The following SUCLG2 variants were observed in gnomAD, a reference collection of about 807,000 sequenced individuals.
The protein encoded by SUCLG2 is succinate--CoA ligase [GDP-forming] subunit beta, mitochondrial.
SUCLG2 carries 42 observed loss-of-function variants against 47.9 expected under a neutral mutation model. The observed-to-expected ratio is 0.88, with a 90% CI of 0.69 to 1.14. SUCLG2 has a LOEUF of 1.14. SUCLG2 is among the 50% of genes most tolerant of loss of function. The probability of loss-of-function intolerance (pLI) is 0.00; values close to 1 mark genes in which losing one functional copy is unlikely to be tolerated. For missense variants in SUCLG2, 571 were observed against 525.9 expected (o/e 1.09, Z -0.84); for synonymous variants, 195 against 197.3 (o/e 0.99, Z 0.10).
chr3:67,494,488 T>A (rs943003733), intron 9 of SUCLG2, among the ~76,000 whole-genome samples: 1 of 152,070 alleles, frequency 6.6e-6, no homozygotes, highest in Non-Finnish European at 1.5e-5. Flanking sequence ...TGGCCAGGCA[T>A]GGTGGCATGC....
At chr3:67,654,145 G>C (rs1200768208) in intron 1 of SUCLG2, among the ~76,000 whole-genome samples, 1 of 152,238 alleles carries the variant, frequency 6.6e-6, no homozygotes, top group Admixed American at 6.5e-5. Flanking sequence ...AGAATTAGTA[G>C]AGCTGACAAT....
At chr3:67,405,529 G>A (rs1308892778) in intron 9 of SUCLG2, among the ~76,000 whole-genome samples, 1 of 152,124 alleles carries the variant, frequency 6.6e-6, no homozygotes. Context: ...GGGGATAATA[G>A]TAGTTAAGTC....
intron 2 of SUCLG2, among the ~76,000 whole-genome samples, chr3:67,549,235 C>T (rs931401567): frequency 1.3e-5 from 2 of 152,096 alleles, no homozygotes; most frequent in African/African-American, 4.8e-5. Context: ...CAGGATGATA[C>T]CTGGAGCTTA....
At chr3:67,578,768 T>C (rs192158966) in intron 2 of SUCLG2, among the ~76,000 whole-genome samples, 124 of 152,324 alleles carry the variant, frequency 8.1e-4, no homozygotes, top group African/African-American at 2.8e-3. Context: ...CTGCAGGCTT[T>C]TTCTGACTCC....
intron 1 of SUCLG2, among the ~76,000 whole-genome samples, chr3:67,628,472 T>C (rs1003624665): frequency 6.6e-6 from 1 of 152,212 alleles, no homozygotes; most frequent in Admixed American, 6.5e-5. Flanking sequence ...CAAACTTCCA[T>C]CGAAGAGAAG....
At chr3:67,473,057 T>A in intron 9 of SUCLG2, among the ~76,000 whole-genome samples, 1 of 152,212 alleles carries the variant, frequency 6.6e-6, no homozygotes. Context: ...AAAAACAGTA[T>A]GATCTAGACT....
intron 10 of SUCLG2, among the ~76,000 whole-genome samples, chr3:67,368,953 T>A (rs773572905): frequency 1.3e-4 from 20 of 152,282 alleles, no homozygotes; most frequent in Middle Eastern, 3.4e-3. Context: ...TTATGTTAAA[T>A]TAGTAAATGT....
At chr3:67,424,160 C>T (rs1314380930) in intron 9 of SUCLG2, among the ~76,000 whole-genome samples, 1 of 152,164 alleles carries the variant, frequency 6.6e-6, no homozygotes, top group Non-Finnish European at 1.5e-5. Context: ...AAAAATAGTT[C>T]CATCTACCTG....
At chr3:67,613,729 C>T (rs1700574229) in intron 1 of SUCLG2, among the ~76,000 whole-genome samples, 1 of 152,156 alleles carries the variant, frequency 6.6e-6, no homozygotes, top group African/African-American at 2.4e-5. Context: ...CCAATAAAGC[C>T]ATGTTACAAA....
intron 1 of SUCLG2, among the ~76,000 whole-genome samples, chr3:67,626,902 A>T (rs1325774059): frequency 7.6e-6 from 1 of 130,782 alleles, no homozygotes; most frequent in African/African-American, 2.9e-5. Context: ...CGACAGAGTG[A>T]GACTCCGTCT....
At chr3:67,553,303 G>A (rs1204512129) in intron 2 of SUCLG2, among the ~76,000 whole-genome samples, 1 of 152,324 alleles carries the variant, frequency 6.6e-6, no homozygotes, top group African/African-American at 2.4e-5. Context: ...TGTTCCCTTT[G>A]TCCATGGTGG....
chr3:67,415,795 G>C (rs1048378470), intron 9 of SUCLG2, among the ~76,000 whole-genome samples: 13 of 152,186 alleles, frequency 8.5e-5, no homozygotes, highest in African/African-American at 2.9e-4. Flanking sequence ...TCAAGATGTA[G>C]AGCTTAATCT....
Position 67,568,614 on chromosome 3 carries a change from G to A in SUCLG2, c.227-39428C>T, listed in dbSNP as rs192667641. ...TTAAAAAATAAAGAGTGAGCCGGGC[G>A]CGGTGGCTCACGCCTGTAATCCCAG... On this transcript the variant is annotated intron_variant, in intron 2 of 10. Transcript: ENST00000307227. 1.6e-4 allele frequency among the ~76,000 whole-genome samples: 25 copies of A among 152,242 alleles called. 1 individual carries two copies. In the South Asian group the frequency reaches 4.1e-3, roughly 25 times the overall value.
At chr3:67,360,633 C>G (rs1311975721) in exon 11 of SUCLG2, 1 of 1,507,028 alleles carries the variant, frequency 6.6e-7, no homozygotes, top group South Asian at 1.3e-5. Flanking sequence ...AAATCTTTAA[C>G]ATAAAAAAAT....
chr3:67,626,696 C>A (rs1393551266), intron 1 of SUCLG2, among the ~76,000 whole-genome samples: 1 of 152,044 alleles, frequency 6.6e-6, no homozygotes, highest in South Asian at 2.1e-4. Flanking sequence ...GGGTGAATCA[C>A]GAGGTCAGGA....
chr3:67,609,027 G>C (rs981718375), intron 2 of SUCLG2, among the ~76,000 whole-genome samples: 1 of 152,150 alleles, frequency 6.6e-6, no homozygotes, highest in African/African-American at 2.4e-5. Context: ...GAGTGATCCT[G>C]GCGGAACTGA....
intron 7 of SUCLG2, among the ~76,000 whole-genome samples, chr3:67,499,720 G>GTTTGTTTA (rs573806231): frequency 1.3e-5 from 2 of 150,858 alleles, no homozygotes; most frequent in African/African-American, 4.9e-5. Context: ...TTGTTTGTTT[G>GTTTGTTTA]TTTATTTATT....
At chr3:67,476,376 G>A (rs1704756407) in intron 9 of SUCLG2, among the ~76,000 whole-genome samples, 1 of 152,064 alleles carries the variant, frequency 6.6e-6, no homozygotes. Flanking sequence ...AACTGTGCAT[G>A]TGAGGGATCA....
At chr3:67,446,354 TAAAA>T (rs372575700) in intron 9 of SUCLG2, among the ~76,000 whole-genome samples, 1 of 17,398 alleles carries the variant, frequency 5.7e-5, no homozygotes. Context: ...CATTTGTATA[TAAAA>T]AAAAAAAAAA....
Sources: gnomAD v4.1 joint callset for allele counts (sites outside exome capture counted in the v4.1 genomes callset) on GRCh38, gnomAD v4.1.1 for gene constraint, MANE v1.5 for transcripts, NCBI Gene and HGNC (gene_info 2026-07-23, HGNC 2026-07-21) for gene names.